The following TRHDE variants were observed in gnomAD, a reference collection of about 807,000 sequenced individuals.
TRHDE encodes thyrotropin-releasing hormone-degrading ectoenzyme.
In TRHDE, 72 loss-of-function variants were observed where a neutral mutation model predicts 125.7. The observed-to-expected ratio is 0.57, with a 90% CI of 0.47 to 0.70. TRHDE has a LOEUF of 0.70. TRHDE is among the 30% of genes least tolerant of loss of function. The pLI, the probability that TRHDE is intolerant of heterozygous loss-of-function variation, is 0.00. For synonymous variants in TRHDE, 509 were observed against 509.1 expected (o/e 1.00, Z 0.00); for missense variants, 1,110 against 1,327.1 (o/e 0.84, Z 2.54).
intron 2 of TRHDE, among the ~76,000 whole-genome samples, chr12:72,218,922 G>T (rs961395063): frequency 4.6e-5 from 7 of 152,100 alleles, no homozygotes; most frequent in African/African-American, 1.7e-4. Context: ...AACTTTTGGG[G>T]AGCTATTATT....
chr12:72,653,122 T>A lies in TRHDE; in HGVS notation c.2950T>A (p.Phe984Ile). ...ACATGGTCGAGACCTTGCCTGGAAG[T>A]TTTTCAGGGATAAATGGAAGATATT... ...NPHGRDLAWK[F>I]FRDKWKILNT... Residue 984 changes from phenylalanine (F) to isoleucine (I), a missense_variant, in exon 17 of 19, where the codon TTT becomes ATT. Physicochemically the swap from Phe to Ile is conservative, Grantham distance 21 (BLOSUM62 0). Around this residue, in one of 5 missense-constraint regions of TRHDE, gnomAD observed 527 missense variants for 651.8 expected, o/e 0.81. Coordinates refer to ENST00000261180, the MANE Select transcript of TRHDE (RefSeq NM_013381.3). The A allele has an allele frequency of 1.2e-6, 2 of 1,609,390 alleles. No individual in the cohort carries two copies. The highest frequency in any genetic ancestry group is 1.7e-6 in the Non-Finnish European group (2 of 1,177,388).
chr12:72,428,725 T>G lies in TRHDE; in HGVS notation c.1316-41033T>G, dbSNP rs564616021. 2.0e-5 allele frequency among the ~76,000 whole-genome samples: 3 copies of G among 152,228 alleles called. No homozygotes were observed. The South Asian group carries it at 6.2e-4, about 32-fold the overall frequency. On this transcript the variant is annotated intron_variant, in intron 3 of 18. Coordinates refer to ENST00000261180, the MANE Select transcript of TRHDE (RefSeq NM_013381.3). ...TCATCGCCAGCAGAATTTCAGAGAT[T>G]TTTTACAACCTAAAAAGGAAACCCC...
intron 2 of TRHDE, among the ~76,000 whole-genome samples, chr12:72,226,541 C>G (rs1878131468): frequency 6.6e-6 from 1 of 152,104 alleles, no homozygotes; most frequent in African/African-American, 2.4e-5. Context: ...TAAATTACTT[C>G]TGTTTAGTAG....
At chr12:72,519,712 G>A (rs1393231243) in intron 6 of TRHDE, among the ~76,000 whole-genome samples, 2 of 152,188 alleles carry the variant, frequency 1.3e-5, no homozygotes, top group African/African-American at 2.4e-5. Flanking sequence ...TGGAGGAGGA[G>A]AGGTGCTCTG....
chr12:72,612,621 T>G (rs774029086), intron 12 of TRHDE, among the ~76,000 whole-genome samples: 12 of 152,190 alleles, frequency 7.9e-5, no homozygotes, highest in Non-Finnish European at 1.6e-4. Flanking sequence ...GTACTGATAT[T>G]GATGCTTAGT....
upstream of TRHDE, among the ~76,000 whole-genome samples, chr12:72,268,938 A>G (rs1349711633): frequency 6.6e-6 from 1 of 152,132 alleles, no homozygotes; most frequent in Non-Finnish European, 1.5e-5. Flanking sequence ...TGTTTCTGAG[A>G]GAAACATCAG....
At chr12:72,180,056 T>A (rs548597978) in intron 2 of TRHDE, among the ~76,000 whole-genome samples, 16 of 152,004 alleles carry the variant, frequency 1.1e-4, no homozygotes, top group African/African-American at 3.9e-4. Context: ...TAATTACTAT[T>A]AATTAGGTAG....
intron 2 of TRHDE, among the ~76,000 whole-genome samples, chr12:72,296,047 G>A (rs1880287766): frequency 6.6e-6 from 1 of 152,100 alleles, no homozygotes; most frequent in African/African-American, 2.4e-5. Flanking sequence ...TGTTCATAGA[G>A]CTTTCTTGCC....
At chr12:72,178,407 T>C (rs1227107014) in intron 2 of TRHDE, among the ~76,000 whole-genome samples, 1 of 151,996 alleles carries the variant, frequency 6.6e-6, no homozygotes, top group Non-Finnish European at 1.5e-5. Context: ...CATAAAGTGG[T>C]TTAGAACTCT....
chr12:72,389,106 A>C (rs902772760), intron 3 of TRHDE, among the ~76,000 whole-genome samples: 17 of 152,050 alleles, frequency 1.1e-4, no homozygotes, highest in African/African-American at 4.1e-4. Flanking sequence ...GGAAGTGATA[A>C]CTGCTATAAA....
chr12:72,439,016 G>A (rs192290001), intron 3 of TRHDE, among the ~76,000 whole-genome samples: 1 of 151,966 alleles, frequency 6.6e-6, no homozygotes, highest in African/African-American at 2.4e-5. Flanking sequence ...TTTCACATGT[G>A]AATATCCAGT....
chr12:72,553,799 T>C (rs1869788494), intron 7 of TRHDE, among the ~76,000 whole-genome samples: 1 of 151,246 alleles, frequency 6.6e-6, no homozygotes, highest in South Asian at 2.1e-4. Flanking sequence ...TTTTCTTTCC[T>C]TTCCTTTCGT....
At chr12:72,508,703 A>G (rs1368369029) in intron 6 of TRHDE, among the ~76,000 whole-genome samples, 1 of 152,112 alleles carries the variant, frequency 6.6e-6, no homozygotes, top group Non-Finnish European at 1.5e-5. Context: ...GACTGCTGGG[A>G]AAGCATGATT....
chr12:72,113,365 C>A (rs1239158215), intron 2 of TRHDE, among the ~76,000 whole-genome samples: 1 of 151,596 alleles, frequency 6.6e-6, no homozygotes, highest in Non-Finnish European at 1.5e-5. Context: ...TGGCTCACAC[C>A]TATAATCTCA....
intron 2 of TRHDE, among the ~76,000 whole-genome samples, chr12:72,334,630 G>T (rs919382359): frequency 6.6e-6 from 1 of 152,184 alleles, no homozygotes; most frequent in Non-Finnish European, 1.5e-5. Flanking sequence ...TGTAGCTCTT[G>T]TCTGATCCAT....
At chr12:72,526,682 G>T (rs1228162310) in intron 6 of TRHDE, among the ~76,000 whole-genome samples, 1 of 152,100 alleles carries the variant, frequency 6.6e-6, no homozygotes, top group Non-Finnish European at 1.5e-5. Context: ...CTTTCATTAA[G>T]GATATACTTG....
intron 2 of TRHDE, among the ~76,000 whole-genome samples, chr12:72,351,813 G>C (rs376147159): frequency 6.6e-6 from 1 of 151,874 alleles, no homozygotes; most frequent in African/African-American, 2.4e-5. Flanking sequence ...TTCTGGACAC[G>C]TCTTTTCTCT....
rs561854144 is a variant in TRHDE at position 72,303,324 on chromosome 12, C to T, written c.1188+16370C>T. 5.3e-5 allele frequency: 8 copies of T among 152,164 alleles called. No individual in the cohort carries two copies. The East Asian group carries it at 5.8e-4, about 11-fold the overall frequency. The allele number at this position is 152,164 out of a possible 1,614,324, so 9.4% of individuals were successfully genotyped here. Reference sequence around the variant, plus strand: ...CATGAGAAGGAAATTTTTGCAGTATCGTCTATGGTCAGGGATTGTTTGGAG... The same window carrying T: ...CATGAGAAGGAAATTTTTGCAGTATTGTCTATGGTCAGGGATTGTTTGGAG... On this transcript the variant is annotated intron_variant, in intron 2 of 18. Transcript: ENST00000261180.
chr12:72,226,380 C>A (rs922739007), intron 2 of TRHDE, among the ~76,000 whole-genome samples: 1 of 152,148 alleles, frequency 6.6e-6, no homozygotes, highest in East Asian at 1.9e-4. Context: ...TAGTGGTATT[C>A]CTTGCTGTTC....
Sources: gnomAD v4.1 joint callset for allele counts (sites outside exome capture counted in the v4.1 genomes callset) on GRCh38, gnomAD v4.1.1 for gene constraint, gnomAD v4.1.1 regional missense constraint, MANE v1.5 for transcripts, NCBI Gene and HGNC (gene_info 2026-07-23, HGNC 2026-07-21) for gene names.